PODNL1: variants seen among roughly 807,000 people sequenced by gnomAD.
PODNL1 encodes podocan like 1.
A neutral mutation model predicts 45.1 loss-of-function variants in PODNL1; 50 were observed. The observed-to-expected ratio is 1.11, with a 90% confidence interval of 0.88 to 1.40. The LOEUF is 1.40. Ranked by LOEUF, PODNL1 falls within the 40% of genes most tolerant of loss-of-function variation. PODNL1 has a pLI of 0.00. For missense variants in PODNL1, 788 were observed against 793.3 expected (o/e 0.99, Z 0.08); for synonymous variants, 406 against 372.5 (o/e 1.09, Z -1.04).
Position 13,935,988 on chromosome 19 carries a change from G to C in PODNL1, c.376C>G (p.His126Asp), listed in dbSNP as rs993172240. Residue 126 changes from histidine (H) to aspartate (D), a missense_variant, in exon 4 of 10, where the codon CAC (histidine) becomes GAC (aspartate). Physicochemically the swap from His to Asp is moderately conservative, Grantham distance 81. This residue lies in a region of PODNL1 where 762 missense variants were observed against 750.9 expected (regional missense o/e 1.01). Coordinates refer to ENST00000588872, the MANE Select transcript of PODNL1 (RefSeq NM_001370095.3). Reference sequence around the variant, plus strand: ...TGGGGCTGGGGGCTCACCTTGTTGTGAGCCACGCAGAGGTGCTGCAGCTGG... The same window carrying C: ...TGGGGCTGGGGGCTCACCTTGTTGTCAGCCACGCAGAGGTGCTGCAGCTGG... ...LTQLQHLCVA[H>D]NKLSVAPQFL... 1.4e-5 allele frequency: 21 copies of C among 1,552,178 alleles called. No homozygotes were observed. Among genetic ancestry groups the C allele is most frequent in the Non-Finnish European group, 1.8e-5 (21 of 1,148,586 alleles).
chr19:13,933,615 G>A lies in PODNL1; in HGVS notation c.768-160C>T, dbSNP rs1972119295. Among the ~76,000 whole-genome samples the A allele has an allele frequency of 6.6e-6, 1 of 152,236 alleles. No individual in the cohort carries two copies. The highest frequency in any genetic ancestry group is 2.1e-4 in the South Asian group (1 of 4,824). The stretch of plus-strand genomic sequence containing the variant: ...GAGCTGGGTGGGAGGTAAACTTGGG[G>A]TGCCCAGGGCAGATTCCAGCCTGAG... On this transcript the variant is annotated intron_variant, in intron 7 of 9. Transcript: ENST00000588872. The surrounding 1 kb of genome is among the most constrained non-coding windows in gnomAD (Gnocchi z 5.2).
intron 3 of PODNL1, 134 bp from the exon 4 acceptor site, chr19:13,936,178 C>T: frequency 2.1e-6 from 2 of 938,992 alleles, no homozygotes; most frequent in South Asian, 1.5e-5. Context: ...TCCCCTCCTC[C>T]CCATCCCTAC....
At chr19:13,952,359 A>G in intron 1 of PODNL1, 1 of 1,083,728 alleles carries the variant, frequency 9.2e-7, no homozygotes, top group Non-Finnish European at 1.2e-6. Context: ...GTCGCTACCA[A>G]TCAAGAGTCG....
At chr19:13,940,856 T>C (rs1283019244), upstream of PODNL1, among the ~76,000 whole-genome samples, 24 of 151,696 alleles carry the variant, frequency 1.6e-4, no homozygotes, top group Non-Finnish European at 2.9e-5. Context: ...TGCACTCCAG[T>C]CTGGGCTATG....
rs1157552852 is a variant in PODNL1, at chr19:13,953,001, A to G, written c.18+118T>C. Reference sequence around the variant, plus strand: ...AAAGCTCTGCTCCCATGGTTGCTCCATAATGGAACCTTCCCGCCCCCTTTG... The same window carrying G: ...AAAGCTCTGCTCCCATGGTTGCTCCGTAATGGAACCTTCCCGCCCCCTTTG... On this transcript the variant is annotated intron_variant, in intron 1 of 7. Transcript: ENST00000538371. 4.2e-6 allele frequency: 5 copies of G among 1,201,172 alleles called. No individual in the cohort carries two copies. In the East Asian group the frequency reaches 1.0e-4, roughly 25 times the overall value. 74.4% of individuals were successfully genotyped at this position (1,201,172 alleles called of 1,614,324 possible). A position where few individuals can be genotyped will look rare whatever the true frequency, so the allele number is the denominator to read the frequency against.
chr19:13,943,303 G>A (rs796129307), upstream of PODNL1, among the ~76,000 whole-genome samples: 19 of 136,536 alleles, frequency 1.4e-4, no homozygotes, highest in African/African-American at 6.4e-4. Flanking sequence ...AAAAAAAAAA[G>A]AAGAAAAAAG....
At chr19:13,951,085 T>C (rs898464598) in intron 1 of PODNL1, among the ~76,000 whole-genome samples, 1 of 149,824 alleles carries the variant, frequency 6.7e-6, no homozygotes, top group African/African-American at 2.5e-5. Flanking sequence ...TGTTGTGATA[T>C]TGTGTTGTGA....
At chr19:13,935,862 C>T in intron 4 of PODNL1, 32 bp from the exon 5 acceptor site, 1 of 1,577,936 alleles carries the variant, frequency 6.3e-7, no homozygotes, top group Non-Finnish European at 8.6e-7. Flanking sequence ...CCGGACTGGT[C>T]CTGGTGCGCC....
At chr19:13,935,627 G>C in intron 5 of PODNL1, 94 bp downstream of exon 5, 2 of 980,508 alleles carry the variant, frequency 2.0e-6, no homozygotes, top group Non-Finnish European at 2.9e-6. Flanking sequence ...GCACCCGGCC[G>C]AGGGCAAGGT....
chr19:13,949,649 G>A (rs1173342627), intron 1 of PODNL1: 2 of 152,026 alleles, frequency 1.3e-5, no homozygotes, highest in East Asian at 3.9e-4. Flanking sequence ...AAGGTACAGA[G>A]AGTTCTTTTA....
At chr19:13,951,125 T>C (rs981901863) in intron 1 of PODNL1, among the ~76,000 whole-genome samples, 4 of 151,684 alleles carry the variant, frequency 2.6e-5, no homozygotes, top group Admixed American at 1.3e-4. Context: ...ATTTTGGTCT[T>C]AGGTTTTCTA....
Position 13,936,434 on chromosome 19 carries a change from G to A in PODNL1, c.252C>T (p.Tyr84=). The A allele has an allele frequency of 6.2e-7, 1 of 1,613,454 alleles. No homozygotes were observed. Among genetic ancestry groups the A allele is most frequent in the Non-Finnish European group, 8.5e-7 (1 of 1,179,612 alleles). Residue 84 remains tyrosine, a synonymous_variant, in exon 3 of 10, where the codon TAC becomes TAT. Coordinates refer to ENST00000588872, the MANE Select transcript of PODNL1 (RefSeq NM_001370095.3). ...GGCCACTGAGGCGGGACAGCTCATT[G>A]TAGGGGAGTTCCTGGAGCTGGTTGT... is the stretch of plus-strand genomic sequence containing the variant. ...LQNNQLQELP[Y]NELSRLSGLR... is the part of the protein sequence containing the mutation.
At chr19:13,932,233 C>T in intron 8 of PODNL1, 121 bp from the exon 9 acceptor site, 1 of 1,212,868 alleles carries the variant, frequency 8.2e-7, no homozygotes, top group Non-Finnish European at 1.0e-6. Flanking sequence ...CCTTCTGCCC[C>T]CCACCCCCCA....
At chr19:13,942,707 G>C (rs1027929941), upstream of PODNL1, among the ~76,000 whole-genome samples, 1 of 152,094 alleles carries the variant, frequency 6.6e-6, no homozygotes, top group African/African-American at 2.4e-5. Context: ...TTGGCTGTGC[G>C]CCCCTGTGGC....
upstream of PODNL1, among the ~76,000 whole-genome samples, chr19:13,942,090 G>A (rs1034193085): frequency 6.6e-6 from 1 of 152,140 alleles, no homozygotes; most frequent in Non-Finnish European, 1.5e-5. Flanking sequence ...TAGCCCCCAG[G>A]GAAGCAGCAA....
At chr19:13,947,585 C>G (rs1175481310) in intron 1 of PODNL1, among the ~76,000 whole-genome samples, 1 of 151,956 alleles carries the variant, frequency 6.6e-6, no homozygotes, top group African/African-American at 2.4e-5. Flanking sequence ...GCTGCCCCAT[C>G]ATCTGGTGTC....
upstream of PODNL1, among the ~76,000 whole-genome samples, chr19:13,941,929 T>C (rs181646514): frequency 2.6e-5 from 4 of 152,246 alleles, no homozygotes; most frequent in East Asian, 1.9e-4. Flanking sequence ...AGACGGGTCT[T>C]AGTTTAGGCC....
chr19:13,934,051 C>G (rs1195888295), intron 6 of PODNL1, 58 bp from the exon 7 acceptor site: 3 of 1,489,778 alleles, frequency 2.0e-6, no homozygotes, highest in African/African-American at 2.8e-5. Context: ...CGGGAAGCCA[C>G]AGACGGCTCT....
At chr19:13,934,088 C>A in intron 6 of PODNL1, 95 bp from the exon 7 acceptor site, 1 of 1,397,936 alleles carries the variant, frequency 7.2e-7, no homozygotes, top group East Asian at 2.5e-5. Context: ...GAGGAGCTTG[C>A]CTTGAGCTCA....
Sources: allele counts gnomAD v4.1 joint callset (sites outside exome capture counted in the v4.1 genomes callset), GRCh38; gene constraint gnomAD v4.1.1; regional missense constraint gnomAD v4.1.1; non-coding constraint Gnocchi (gnomAD v3.1); transcripts MANE v1.5; gene names NCBI Gene and HGNC (gene_info 2026-07-23, HGNC 2026-07-21).